Variants in ANO3 observed in about 807,000 individuals in gnomAD.
ANO3 encodes the protein anoctamin 3, also known as anoctamin-3.
In ANO3, 99 loss-of-function variants were observed where a neutral mutation model predicts 144.8. The ratio of observed to expected loss-of-function variants is 0.68; its 90% CI spans 0.58 to 0.81. The LOEUF (loss-of-function observed/expected upper bound fraction) is 0.81, where lower values mean the gene tolerates loss of function less well. ANO3 is among the 30% of genes least tolerant of loss of function. ANO3 has a pLI of 0.00. For missense variants in ANO3, 905 were observed against 1,202.2 expected (o/e 0.75, Z 3.66); for synonymous variants, 414 against 392.6 (o/e 1.05, Z -0.64).
At chr11:26,607,887 T>C (rs1180387595) in intron 17 of ANO3, among the ~76,000 whole-genome samples, 1 of 152,242 alleles carries the variant, frequency 6.6e-6, no homozygotes, top group Non-Finnish European at 1.5e-5. Context: ...AACCTGTTCC[T>C]TTAGCTCAGT....
intron 14 of ANO3, among the ~76,000 whole-genome samples, chr11:26,581,133 A>G (rs1851117168): frequency 6.6e-6 from 1 of 152,210 alleles, no homozygotes; most frequent in African/African-American, 2.4e-5. Flanking sequence ...CACATAACTT[A>G]ACCTCTAAGA....
At chr11:26,254,083 G>T (rs894569213) in intron 1 of ANO3, among the ~76,000 whole-genome samples, 3 of 152,160 alleles carry the variant, frequency 2.0e-5, no homozygotes, top group African/African-American at 7.2e-5. Context: ...TATGAATTCA[G>T]CCATGTGGAA....
chr11:26,369,121 T>C (rs907993389), intron 1 of ANO3, among the ~76,000 whole-genome samples: 3 of 152,234 alleles, frequency 2.0e-5, no homozygotes, highest in Admixed American at 2.0e-4. Flanking sequence ...AGAAATATTT[T>C]CCAGCCATGT....
In ANO3 at chr11:26,387,885, G is replaced by T. The variant is rs556671444; in HGVS notation, c.47-54033G>T. ...CCAGCTTTAGTTGTCCAAGCTTAGTGTTGAAATTACAATTTCAGCTCCTTA... is the reference window on the plus strand; with the variant it reads ...CCAGCTTTAGTTGTCCAAGCTTAGTTTTGAAATTACAATTTCAGCTCCTTA... On this transcript the variant is annotated intron_variant, in intron 1 of 26. Transcript: ENST00000256737. 7.9e-5 allele frequency among the ~76,000 whole-genome samples: 12 copies of T among 152,116 alleles called. No individual in the cohort carries two copies. The South Asian group carries it at 2.3e-3, about 29-fold the overall frequency.
intron 4 of ANO3, among the ~76,000 whole-genome samples, chr11:26,498,511 G>T (rs1861058496): frequency 6.7e-6 from 1 of 150,044 alleles, no homozygotes; most frequent in African/African-American, 2.4e-5. Context: ...TCATATATTT[G>T]TTATTATCAA....
chr11:26,223,370 C>T (rs956175370), intron 1 of ANO3, among the ~76,000 whole-genome samples: 11 of 152,046 alleles, frequency 7.2e-5, no homozygotes, highest in African/African-American at 2.7e-4. Flanking sequence ...CCTCATAAAC[C>T]TGGCATTCAG....
chr11:26,256,957 A>G (rs1453660362), intron 1 of ANO3, among the ~76,000 whole-genome samples: 1 of 152,116 alleles, frequency 6.6e-6, no homozygotes, highest in Non-Finnish European at 1.5e-5. Flanking sequence ...ATGCTGCTAA[A>G]CATCCTACAA....
chr11:26,656,074 G>A, intron 24 of ANO3, 51 bp from the exon 25 acceptor site: 1 of 1,363,944 alleles, frequency 7.3e-7, no homozygotes, highest in Non-Finnish European at 1.0e-6. Context: ...AAATAATTAG[G>A]CTAGAAACGT....
At chr11:26,441,725 C>G (rs915922196) in intron 1 of ANO3, among the ~76,000 whole-genome samples, 193 bp from the exon 2 acceptor site, 4 of 152,062 alleles carry the variant, frequency 2.6e-5, no homozygotes, top group African/African-American at 7.2e-5. Context: ...GTTTATGTCT[C>G]AAAACTATTT....
chr11:26,607,748 T>C (rs1273981830), intron 17 of ANO3, among the ~76,000 whole-genome samples: 1 of 152,226 alleles, frequency 6.6e-6, no homozygotes, highest in East Asian at 1.9e-4. Flanking sequence ...TTGTGTATGC[T>C]TTATGAAGTT....
Position 26,285,090 on chromosome 11 carries a change from G to A in ANO3, c.155-24555G>A, listed in dbSNP as rs578151941. On this transcript the variant is annotated intron_variant, in intron 1 of 27. Coordinates refer to the ANO3 transcript ENST00000672621. ...GCTACCACTATGTGGTTTATTTACT[G>A]TGTACAATTTTTTTTTTTAATTATG... Among the ~76,000 whole-genome samples the A allele has an allele frequency of 2.6e-4, 39 of 150,464 alleles. No individual in the cohort carries two copies. In the East Asian group the frequency reaches 7.6e-3, roughly 29 times the overall value.
intron 1 of ANO3, among the ~76,000 whole-genome samples, chr11:26,220,037 A>C (rs1852111209): frequency 6.6e-6 from 1 of 152,216 alleles, no homozygotes; most frequent in Non-Finnish European, 1.5e-5. Flanking sequence ...TTCTCAATCC[A>C]TTCTACCAAA....
intron 17 of ANO3, among the ~76,000 whole-genome samples, chr11:26,623,161 G>A (rs1047872282): frequency 6.6e-6 from 1 of 152,224 alleles, no homozygotes; most frequent in East Asian, 1.9e-4. Flanking sequence ...ACTGTACTCA[G>A]TGTAATCTTT....
intron 26 of ANO3, among the ~76,000 whole-genome samples, chr11:26,658,183 C>T (rs988798082): frequency 2.6e-5 from 4 of 152,148 alleles, no homozygotes; most frequent in African/African-American, 9.7e-5. Context: ...CCAATTTTCC[C>T]TCCACCATTT....
At position 26,480,816 on chromosome 11, in the gene ANO3, T is replaced by TATAA. The variant is rs549373673; in HGVS notation, c.432+17690_432+17693dup. Among the ~76,000 whole-genome samples the TATAA allele has an allele frequency of 6.3e-3, 958 of 151,300 alleles. 1 individual carries two copies. The highest frequency in any genetic ancestry group is 0.013 in the African/African-American group (523 of 41,346). On this transcript the variant is annotated intron_variant, in intron 4 of 26. Transcript: ENST00000256737. The stretch of plus-strand genomic sequence containing the variant: ...GAGTGAGACCCTGTCTCAAAAACAA[T>TATAA]ATAAATAAATAAATAAATAAATAAA...
At chr11:26,299,519 A>T (rs1210678446) in intron 1 of ANO3, among the ~76,000 whole-genome samples, 3 of 152,212 alleles carry the variant, frequency 2.0e-5, no homozygotes, top group African/African-American at 7.2e-5. Context: ...CCACCAGGAA[A>T]ACTAGAGTCA....
chr11:26,229,530 G>T (rs1852343770), intron 1 of ANO3, among the ~76,000 whole-genome samples: 1 of 152,164 alleles, frequency 6.6e-6, no homozygotes, highest in Non-Finnish European at 1.5e-5. Context: ...GCTATGAGTA[G>T]CTTCTTAGTT....
At chr11:26,507,058 A>T (rs1163446683) in intron 4 of ANO3, among the ~76,000 whole-genome samples, 1 of 152,222 alleles carries the variant, frequency 6.6e-6, no homozygotes, top group Admixed American at 6.5e-5. Context: ...TGGCGAAAGA[A>T]GGATGGGGTA....
At chr11:26,343,285 G>T (rs1855411821) in intron 1 of ANO3, among the ~76,000 whole-genome samples, 1 of 152,072 alleles carries the variant, frequency 6.6e-6, no homozygotes, top group African/African-American at 2.4e-5. Flanking sequence ...ATTTCTTTAT[G>T]CATTCATCTT....
Sources: gnomAD v4.1 joint callset for allele counts (sites outside exome capture counted in the v4.1 genomes callset) on GRCh38, gnomAD v4.1.1 for gene constraint, MANE v1.5 for transcripts, NCBI Gene and HGNC (gene_info 2026-07-23, HGNC 2026-07-21) for gene names.